The following CADM2 variants were observed in gnomAD, a reference collection of about 807,000 sequenced individuals.
The protein encoded by CADM2 is immunoglobulin superfamily member 4D.
Under a neutral mutation model 49.8 loss-of-function variants are expected in CADM2, and 12 were observed. That is an observed-to-expected ratio of 0.24 (90% CI 0.15 to 0.39). The LOEUF is 0.39. CADM2 is among the 10% of genes least tolerant of loss of function. The pLI, the probability that CADM2 is intolerant of heterozygous loss-of-function variation, is 1.00. For synonymous variants in CADM2, 214 were observed against 175.4 expected (o/e 1.22, Z -1.74); for missense variants, 378 against 492.3 (o/e 0.77, Z 2.20).
chr3:85,207,796 G>A (rs1361637107), intron 1 of CADM2, among the ~76,000 whole-genome samples: 1 of 152,132 alleles, frequency 6.6e-6, no homozygotes, highest in Non-Finnish European at 1.5e-5. Context: ...TTTGGCTTAT[G>A]CTGTTTTTAT....
At chr3:85,783,831 C>T (rs1233703457) in intron 2 of CADM2, among the ~76,000 whole-genome samples, 1 of 152,134 alleles carries the variant, frequency 6.6e-6, no homozygotes, top group Non-Finnish European at 1.5e-5. Flanking sequence ...ATTTGACCCT[C>T]AAACTTGAGA....
rs139873643 is a variant in CADM2, at chr3:85,231,934, C to T, written c.61+272266C>T. Among the ~76,000 whole-genome samples the T allele has an allele frequency of 2.7e-3, 406 of 151,380 alleles. 2 individuals carry two copies. The highest frequency in any genetic ancestry group is 9.3e-3 in the African/African-American group (387 of 41,396). On this transcript the variant is annotated intron_variant, in intron 1 of 9. Transcript: ENST00000383699. ...TTCACCATGTTGGTCAGGCTGGTCTCGAACTCCTGACCCCAAGTGATCCAC... is the reference window on the plus strand; with the variant it reads ...TTCACCATGTTGGTCAGGCTGGTCTTGAACTCCTGACCCCAAGTGATCCAC...
chr3:85,386,581 T>G (rs1559813842), intron 1 of CADM2, among the ~76,000 whole-genome samples: 1 of 152,208 alleles, frequency 6.6e-6, no homozygotes, highest in Non-Finnish European at 1.5e-5. Context: ...TGGGCTGTGC[T>G]TCTCACTGAC....
chr3:85,850,868 A>G (rs761217517), intron 3 of CADM2, among the ~76,000 whole-genome samples: 3 of 152,214 alleles, frequency 2.0e-5, no homozygotes, highest in Non-Finnish European at 4.4e-5. Context: ...TGTAAATGGA[A>G]TATAGTCACT....
intron 1 of CADM2, among the ~76,000 whole-genome samples, chr3:85,027,277 G>A (rs2034778322): frequency 6.6e-6 from 1 of 151,452 alleles, no homozygotes; most frequent in Non-Finnish European, 1.5e-5. Context: ...ACCAAGCCCG[G>A]CTAACTTTTT....
intron 1 of CADM2, among the ~76,000 whole-genome samples, chr3:85,436,691 AC>A (rs2107533186): frequency 6.6e-6 from 1 of 152,320 alleles, no homozygotes; most frequent in African/African-American, 2.4e-5. Context: ...TTTAAAGTAA[AC>A]TTTTTTATTT....
At chr3:85,095,054 T>C (rs1055107576) in intron 1 of CADM2, among the ~76,000 whole-genome samples, 8 of 152,192 alleles carry the variant, frequency 5.3e-5, no homozygotes, top group African/African-American at 1.9e-4. Context: ...CTTTTCTCAA[T>C]AAATTATTTA....
intron 1 of CADM2, among the ~76,000 whole-genome samples, chr3:85,177,407 T>A (rs571685293): frequency 1.3e-5 from 2 of 152,172 alleles, no homozygotes; most frequent in East Asian, 3.9e-4. Context: ...TTATTTAGCG[T>A]TTGAAAGTTG....
intron 1 of CADM2, among the ~76,000 whole-genome samples, chr3:85,188,730 T>C (rs1015004527): frequency 3.9e-5 from 6 of 152,040 alleles, no homozygotes; most frequent in African/African-American, 1.4e-4. Context: ...TTTAACTAAG[T>C]ACTTTAAAAA....
chr3:85,484,511 A>G (rs971666236), intron 1 of CADM2, among the ~76,000 whole-genome samples: 3 of 151,924 alleles, frequency 2.0e-5, no homozygotes, highest in African/African-American at 7.2e-5. Flanking sequence ...TTTGTATTCT[A>G]TATAGAGCCA....
intron 1 of CADM2, among the ~76,000 whole-genome samples, chr3:85,504,330 C>G (rs1012962876): frequency 6.6e-6 from 1 of 152,142 alleles, no homozygotes; most frequent in Non-Finnish European, 1.5e-5. Context: ...CGCGGTGTTA[C>G]AGCTCATAAA....
intron 1 of CADM2, among the ~76,000 whole-genome samples, chr3:85,251,192 T>C (rs1180194121): frequency 6.6e-6 from 1 of 151,920 alleles, no homozygotes; most frequent in East Asian, 1.9e-4. Flanking sequence ...TGCTACTTTA[T>C]ACCTGATTAC....
chr3:85,197,027 T>C (rs929480559), intron 1 of CADM2, among the ~76,000 whole-genome samples: 1 of 151,976 alleles, frequency 6.6e-6, no homozygotes, highest in Admixed American at 6.6e-5. Context: ...GGGAAAACCT[T>C]TGCTACGTTT....
chr3:85,648,564 T>A (rs2064957511), intron 1 of CADM2, among the ~76,000 whole-genome samples: 1 of 152,030 alleles, frequency 6.6e-6, no homozygotes, highest in South Asian at 2.1e-4. Context: ...CTCTCTTAAA[T>A]GTTTAAAATC....
At chr3:85,178,176 G>T (rs2040835311) in intron 1 of CADM2, among the ~76,000 whole-genome samples, 1 of 151,704 alleles carries the variant, frequency 6.6e-6, no homozygotes, top group South Asian at 2.1e-4. Flanking sequence ...CATATATATG[G>T]GTTAAGCATT....
chr3:85,368,953 C>T lies in CADM2; in HGVS notation c.62-357569C>T, dbSNP rs75510737. 2.1e-3 allele frequency among the ~76,000 whole-genome samples: 325 copies of T among 152,064 alleles called. 6 individuals are homozygous for T. The East Asian group carries it at 0.061, about 28-fold the overall frequency. ...ACTCCATCAGGATAAAGAGACTAGG[C>T]CAAAATCAGATGACTGTTGTACTTT... On this transcript the variant is annotated intron_variant, in intron 1 of 9. Coordinates refer to ENST00000383699, the MANE Select transcript of CADM2 (RefSeq NM_001167675.2).
At chr3:85,068,849 CTT>C (rs2036621984) in intron 1 of CADM2, among the ~76,000 whole-genome samples, 1 of 151,540 alleles carries the variant, frequency 6.6e-6, no homozygotes, top group Non-Finnish European at 1.5e-5. Context: ...GAGATACTAA[CTT>C]AGTATACCAC....
At chr3:85,046,959 A>G (rs1226600325) in intron 1 of CADM2, among the ~76,000 whole-genome samples, 2 of 152,134 alleles carry the variant, frequency 1.3e-5, no homozygotes, top group African/African-American at 4.8e-5. Flanking sequence ...TTCTAAAATA[A>G]TAAACAATAG....
chr3:85,216,159 A>G (rs1398963396), intron 1 of CADM2, among the ~76,000 whole-genome samples: 1 of 150,214 alleles, frequency 6.7e-6, no homozygotes, highest in Non-Finnish European at 1.5e-5. Flanking sequence ...ATCTTGCTCA[A>G]CCTCCTTCCC....
Sources: allele counts gnomAD v4.1 joint callset (sites outside exome capture counted in the v4.1 genomes callset), GRCh38; gene constraint gnomAD v4.1.1; transcripts MANE v1.5; gene names NCBI Gene and HGNC (gene_info 2026-07-23, HGNC 2026-07-21).